Variants in TMEM163 observed in about 807,000 individuals in gnomAD.
TMEM163 encodes transmembrane protein 163.
A neutral mutation model predicts 29.3 loss-of-function variants in TMEM163; 17 were observed. The ratio of observed to expected loss-of-function variants is 0.58; its 90% confidence interval spans 0.40 to 0.87. The LOEUF is 0.87. TMEM163 is among the 40% of genes least tolerant of loss of function. The pLI is 0.00. For missense variants in TMEM163, 303 were observed against 381.5 expected (o/e 0.79, Z 1.71); for synonymous variants, 157 against 160.6 (o/e 0.98, Z 0.17).
chr2:134,565,300 T>C (rs1558947174), intron 2 of TMEM163, among the ~76,000 whole-genome samples: 1 of 151,694 alleles, frequency 6.6e-6, no homozygotes, highest in South Asian at 2.1e-4. Flanking sequence ...CCTAGATATA[T>C]ACTCAATGGA....
At chr2:134,465,993 G>C (rs748711249) in intron 6 of TMEM163, 121 bp downstream of exon 6, 6 of 689,948 alleles carry the variant, frequency 8.7e-6, no homozygotes, top group Non-Finnish European at 1.5e-5. Context: ...GTAGGAGAGT[G>C]AGAAATGGAT....
At chr2:134,704,950 T>C in intron 2 of TMEM163, among the ~76,000 whole-genome samples, 1 of 152,146 alleles carries the variant, frequency 6.6e-6, no homozygotes, top group South Asian at 2.1e-4. Context: ...GGCTCACACC[T>C]GTAATCCCAG....
chr2:134,566,857 C>T (rs1681310518), intron 2 of TMEM163, among the ~76,000 whole-genome samples: 1 of 152,154 alleles, frequency 6.6e-6, no homozygotes, highest in Admixed American at 6.5e-5. Flanking sequence ...ATCACACATG[C>T]ATACCATAAG....
chr2:134,630,678 G>T (rs1682946896), intron 2 of TMEM163, among the ~76,000 whole-genome samples: 1 of 152,184 alleles, frequency 6.6e-6, no homozygotes, highest in Admixed American at 6.5e-5. Flanking sequence ...CTGACAGCCA[G>T]GTCCTCTCCC....
intron 2 of TMEM163, among the ~76,000 whole-genome samples, chr2:134,613,994 G>T (rs1682558329): frequency 6.6e-6 from 1 of 152,028 alleles, no homozygotes; most frequent in Non-Finnish European, 1.5e-5. Context: ...AATTTTATAT[G>T]AAAGGAAAAT....
chr2:134,636,706 T>A (rs1399471382), intron 2 of TMEM163, among the ~76,000 whole-genome samples: 1 of 151,986 alleles, frequency 6.6e-6, no homozygotes, highest in African/African-American at 2.4e-5. Flanking sequence ...GATTTAGGAG[T>A]CATGCAGCTG....
chr2:134,458,855 G>A (rs887928825), intron 6 of TMEM163: 32 of 152,054 alleles, frequency 2.1e-4, no homozygotes, highest in African/African-American at 7.5e-4. Context: ...GCAAAGTATT[G>A]GCTACATGGT....
intron 2 of TMEM163, among the ~76,000 whole-genome samples, chr2:134,613,941 A>C (rs1454019176): frequency 6.6e-6 from 1 of 152,184 alleles, no homozygotes; most frequent in Non-Finnish European, 1.5e-5. Flanking sequence ...TCTAGTAAAA[A>C]TCCCAGTAAG....
chr2:134,643,490 G>A (rs944681202), intron 2 of TMEM163, among the ~76,000 whole-genome samples: 1 of 151,868 alleles, frequency 6.6e-6, no homozygotes, highest in Non-Finnish European at 1.5e-5. Context: ...ATTTTATGAG[G>A]TGAACATTAT....
chr2:134,536,538 C>T (rs1680544095), intron 4 of TMEM163, among the ~76,000 whole-genome samples: 1 of 152,170 alleles, frequency 6.6e-6, no homozygotes, highest in Non-Finnish European at 1.5e-5. Flanking sequence ...AATCCTCACC[C>T]CACCAGCAGG....
rs145243913 is a variant in TMEM163, at chr2:134,458,069, C to T, written c.772G>A (p.Val258Ile). Residue 258 changes from valine (V) to isoleucine (I), a missense_variant, in exon 7 of 8, where the codon GTT becomes ATT. Transcript: ENST00000281924. ...AVWYLDGSIGVLIGLTIFAYG... is the reference protein window; with the variant it reads ...AVWYLDGSIGILIGLTIFAYG... ...GCAAATATGGTGAGGCCGATCAGAA[C>T]GCCTATGCTGCCGTCCAGGTACCAG... The T allele has an allele frequency of 3.7e-5, 59 of 1,614,082 alleles. No individual in the cohort carries two copies. Among genetic ancestry groups the T allele is most frequent in the African/African-American group, 2.4e-4 (18 of 74,926 alleles).
chr2:134,577,471 C>T (rs1367737598), intron 2 of TMEM163, among the ~76,000 whole-genome samples: 2 of 152,284 alleles, frequency 1.3e-5, no homozygotes, highest in East Asian at 1.9e-4. Context: ...GCCAGTTCCT[C>T]GCTGAGGGCT....
At chr2:134,645,701 AAAG>A (rs1363887606) in intron 2 of TMEM163, among the ~76,000 whole-genome samples, 1 of 152,264 alleles carries the variant, frequency 6.6e-6, no homozygotes, top group African/African-American at 2.4e-5. Flanking sequence ...AAGCTGAGTT[AAAG>A]AAGACAATCT....
intron 2 of TMEM163, among the ~76,000 whole-genome samples, chr2:134,579,648 T>C (rs1373164456): frequency 6.6e-6 from 1 of 152,174 alleles, no homozygotes; most frequent in Non-Finnish European, 1.5e-5. Context: ...GGTAGGAAAC[T>C]AAATTGGTTC....
intron 2 of TMEM163, among the ~76,000 whole-genome samples, chr2:134,688,980 CAAT>C (rs1389709937): frequency 6.6e-6 from 1 of 151,956 alleles, no homozygotes; most frequent in Non-Finnish European, 1.5e-5. Flanking sequence ...TAAAATATCT[CAAT>C]AATTCTTATA....
intron 4 of TMEM163, among the ~76,000 whole-genome samples, chr2:134,512,084 C>T (rs149649533): frequency 8.5e-5 from 13 of 152,292 alleles, no homozygotes; most frequent in Non-Finnish European, 1.9e-4. Flanking sequence ...TGCAAATAAA[C>T]CTGCTGTGCA....
intron 5 of TMEM163, among the ~76,000 whole-genome samples, chr2:134,473,333 C>T (rs1043203108): frequency 5.3e-5 from 8 of 151,914 alleles, no homozygotes; most frequent in Non-Finnish European, 2.9e-5. Flanking sequence ...GTCAGGAGTT[C>T]GAGACCAGCC....
chr2:134,650,516 G>C (rs538180473), intron 2 of TMEM163, among the ~76,000 whole-genome samples: 4 of 127,690 alleles, frequency 3.1e-5, no homozygotes, highest in East Asian at 4.0e-4. Flanking sequence ...TTTTTTGTTT[G>C]TTTGTTTGTT....
chr2:134,626,104 T>TC (rs1261322917), intron 2 of TMEM163, among the ~76,000 whole-genome samples: 1 of 126,394 alleles, frequency 7.9e-6, no homozygotes, highest in East Asian at 2.0e-4. Context: ...CTTTTTTTTT[T>TC]TTTTTTTTTT....
Sources: allele counts gnomAD v4.1 joint callset (sites outside exome capture counted in the v4.1 genomes callset), GRCh38; gene constraint gnomAD v4.1.1; transcripts MANE v1.5; gene names NCBI Gene and HGNC (gene_info 2026-07-23, HGNC 2026-07-21).